BCL2L13: variants seen among roughly 807,000 people sequenced by gnomAD.
BCL2L13 encodes BCL2 like 13.
In BCL2L13, 13 loss-of-function variants were observed where a neutral mutation model predicts 25.8. The observed-to-expected ratio is 0.50, with a 90% CI of 0.33 to 0.80. BCL2L13 has a LOEUF of 0.80. BCL2L13 is among the 30% of genes least tolerant of loss of function. The pLI is 0.02. For missense variants in BCL2L13, 504 were observed against 574.9 expected, an observed-to-expected ratio of 0.88 and a Z score of 1.26; for synonymous variants, 244 against 230.3, an observed-to-expected ratio of 1.06 and a Z score of -0.54.
upstream of BCL2L13, among the ~76,000 whole-genome samples, chr22:17,637,115 AT>A (rs989927710): frequency 6.6e-6 from 1 of 151,806 alleles, no homozygotes; most frequent in Non-Finnish European, 1.5e-5. Context: ...TCTATTAAAA[AT>A]TTTTAAAAAG....
rs3044620 is a variant in BCL2L13, at chr22:17,721,525, A to ATTTTT, written c.601-5138_601-5134dup. On this transcript the variant is annotated intron_variant, in intron 6 of 6. Transcript: ENST00000317582. The stretch of plus-strand genomic sequence containing the variant: ...TTTTAAGTCATGACACTTATAAGAA[A>ATTTTT]TTTTTTTTTTTTTTTTTTGAGACGT... 1.9e-3 allele frequency among the ~76,000 whole-genome samples: 230 copies of ATTTTT among 122,746 alleles called. 15 individuals are homozygous for ATTTTT. Among genetic ancestry groups the ATTTTT allele is most frequent in the African/African-American group, 2.8e-3 (86 of 31,208 alleles). 80.5% of individuals were successfully genotyped at this position (122,746 alleles called of 152,430 possible).
chr22:17,685,633 TATTC>T (rs2059904014), intron 3 of BCL2L13, among the ~76,000 whole-genome samples: 1 of 152,180 alleles, frequency 6.6e-6, no homozygotes, highest in African/African-American at 2.4e-5. Flanking sequence ...ATATTTTGTT[TATTC>T]ATTCATTAGT....
chr22:17,678,000 A>G (rs1368835900), intron 2 of BCL2L13, among the ~76,000 whole-genome samples: 2 of 152,080 alleles, frequency 1.3e-5, no homozygotes, highest in African/African-American at 4.8e-5. Context: ...GAGCCATGAT[A>G]GTGCCACTGC....
upstream of BCL2L13, chr22:17,638,730 G>C (rs920113253): frequency 2.4e-6 from 3 of 1,231,602 alleles, no homozygotes; most frequent in African/African-American, 4.7e-5. Flanking sequence ...GACGCCGGCC[G>C]TGACGAAGGC....
chr22:17,715,402 G>A (rs978972065), intron 6 of BCL2L13, among the ~76,000 whole-genome samples: 7 of 150,238 alleles, frequency 4.7e-5, no homozygotes, highest in Non-Finnish European at 1.0e-4. Context: ...GGGTAGTCTC[G>A]AACTCCTGGG....
At chr22:17,640,463 AAC>A (rs1406086923) in intron 1 of BCL2L13, among the ~76,000 whole-genome samples, 1 of 152,214 alleles carries the variant, frequency 6.6e-6, no homozygotes, top group African/African-American at 2.4e-5. Flanking sequence ...CTTGTAAAAA[AAC>A]AGACTTGTGT....
chr22:17,730,680 T>C lies in BCL2L13; in HGVS notation c.*3146T>C, dbSNP rs1470198199. On this transcript the variant is annotated 3_prime_UTR_variant, in exon 7 of 7. Transcript: ENST00000317582. ...CACACAAACTTATCTTTCCAAGAAT[T>C]TGAGGTGGTGATCATACCCATCAAG... 1 of 152,198 alleles carries C rather than the reference T, an allele frequency of 6.6e-6. No homozygotes were observed. The highest frequency in any genetic ancestry group is 1.5e-5 in the Non-Finnish European group (1 of 68,038). The allele number at this position is 152,198 out of a possible 1,614,324, so 9.4% of individuals were successfully genotyped here.
At position 17,631,689 on chromosome 22, in the gene BCL2L13, TATATATATATATATATA is replaced by T. The variant is rs1239248249; in HGVS notation, c.-650+2685_-650+2701del. On this transcript the variant is annotated intron_variant, in intron 1 of 6. Transcript: ENST00000399782. Reference sequence around the variant, plus strand: ...GTGTGTGTATATATATATATATATATATATATATATATATATATTTTTTTTTTTTTTTTTTTTTTTTT... The same window carrying T: ...GTGTGTGTATATATATATATATATATTTTTTTTTTTTTTTTTTTTTTTTTT... Among the ~76,000 whole-genome samples, 19 of 64,152 alleles carry T rather than the reference TATATATATATATATATA, an allele frequency of 3.0e-4. 1 individual carries two copies. The highest frequency in any genetic ancestry group is 2.3e-3 in the Admixed American group (11 of 4,718). The allele number at this position is 64,152 out of a possible 152,430, so 42.1% of individuals were successfully genotyped here. A position where few individuals can be genotyped will look rare whatever the true frequency, so the allele number is the denominator to read the frequency against.
chr22:17,645,825 C>T (rs1185507270), intron 1 of BCL2L13, among the ~76,000 whole-genome samples: 1 of 151,264 alleles, frequency 6.6e-6, no homozygotes, highest in Non-Finnish European at 1.5e-5. Context: ...CACAGTTGGC[C>T]CTCTTTATCC....
Position 17,730,659 on chromosome 22 carries a change from C to A in BCL2L13, c.*3125C>A, listed in dbSNP as rs1325604401. Reference sequence around the variant, plus strand: ...TCTTAATTTCTTACATCTTTCCACACAAACTTATCTTTCCAAGAATTTGAG... The same window carrying A: ...TCTTAATTTCTTACATCTTTCCACAAAAACTTATCTTTCCAAGAATTTGAG... On this transcript the variant is annotated 3_prime_UTR_variant, in exon 7 of 7. Coordinates refer to ENST00000317582, the MANE Select transcript of BCL2L13 (RefSeq NM_015367.4). 1 of 152,168 alleles carries A rather than the reference C, an allele frequency of 6.6e-6. No homozygotes were observed. The highest frequency in any genetic ancestry group is 1.5e-5 in the Non-Finnish European group (1 of 68,032). The allele number at this position is 152,168 out of a possible 1,614,324, so 9.4% of individuals were successfully genotyped here.
intron 6 of BCL2L13, among the ~76,000 whole-genome samples, chr22:17,704,596 T>C (rs2060535448): frequency 6.6e-6 from 1 of 151,796 alleles, no homozygotes; most frequent in South Asian, 2.1e-4. Flanking sequence ...GCCAACATGG[T>C]GAGACCTCAT....
chr22:17,674,848 T>C (rs955315276), intron 2 of BCL2L13, among the ~76,000 whole-genome samples: 6 of 150,662 alleles, frequency 4.0e-5, no homozygotes, highest in African/African-American at 1.5e-4. Context: ...GTAATACTTT[T>C]TTAAAAAATT....
intron 2 of BCL2L13, among the ~76,000 whole-genome samples, chr22:17,660,022 ATT>A (rs2059016157): frequency 6.9e-6 from 1 of 145,782 alleles, no homozygotes; most frequent in Non-Finnish European, 1.6e-5. Flanking sequence ...CGCCGAGCTC[ATT>A]TTTATACTTT....
At chr22:17,700,700 TTATAGCCC>T (rs1173290772) in intron 5 of BCL2L13, among the ~76,000 whole-genome samples, 1 of 152,204 alleles carries the variant, frequency 6.6e-6, no homozygotes. Context: ...GGATTCTTCT[TTATAGCCC>T]TATACTACTC....
At chr22:17,706,627 A>G in intron 6 of BCL2L13, 1 of 1,230,308 alleles carries the variant, frequency 8.1e-7, no homozygotes, top group Non-Finnish European at 1.0e-6. Flanking sequence ...CTTAAGTCTG[A>G]TCACCATTTC....
rs2060874131 is a variant in BCL2L13, at chr22:17,715,057, GA to G, written c.601-11616del. Among the ~76,000 whole-genome samples, 4 of 143,778 alleles carry G rather than the reference GA, an allele frequency of 2.8e-5. No homozygotes were observed. In the South Asian group the frequency reaches 9.2e-4, roughly 33 times the overall value. The allele number at this position is 143,778 out of a possible 152,430, so 94.3% of individuals were successfully genotyped here. A position where few individuals can be genotyped will look rare whatever the true frequency, so the allele number is the denominator to read the frequency against. On this transcript the variant is annotated intron_variant, in intron 6 of 6. Transcript: ENST00000317582. ...AAAGAGAAGTGACAGCTATTCAGTG[GA>G]AAAGACCCCAGGTCCAAGAACTGGG...
At chr22:17,724,977 G>T (rs889188376) in intron 6 of BCL2L13, among the ~76,000 whole-genome samples, 2 of 152,182 alleles carry the variant, frequency 1.3e-5, no homozygotes, top group African/African-American at 4.8e-5. Context: ...AATTCTGTAA[G>T]AATAGACCCA....
chr22:17,710,856 G>A (rs950173488), intron 6 of BCL2L13, among the ~76,000 whole-genome samples: 1 of 151,560 alleles, frequency 6.6e-6, no homozygotes, highest in African/African-American at 2.4e-5. Flanking sequence ...TAGGCTGGGC[G>A]ACAGAGCGAG....
At chr22:17,670,845 T>A (rs1289994130) in intron 2 of BCL2L13, among the ~76,000 whole-genome samples, 28 of 152,192 alleles carry the variant, frequency 1.8e-4, no homozygotes, top group Admixed American at 1.8e-3. Flanking sequence ...TTCTGCATTC[T>A]TTTCCCTCAG....
Sources: allele counts gnomAD v4.1 joint callset (sites outside exome capture counted in the v4.1 genomes callset), GRCh38; gene constraint gnomAD v4.1.1; transcripts MANE v1.5; gene names NCBI Gene and HGNC (gene_info 2026-07-23, HGNC 2026-07-21).